SYT2: variants seen among roughly 807,000 people sequenced by gnomAD.
SYT2 encodes synaptotagmin-2.
A neutral mutation model predicts 39.9 loss-of-function variants in SYT2; 15 were observed. The ratio of observed to expected loss-of-function variants is 0.38; its 90% CI spans 0.25 to 0.58. SYT2 has a LOEUF of 0.58. Ranked by LOEUF, SYT2 falls within the 20% of genes least tolerant of loss-of-function variation. The pLI is 0.70. For synonymous variants in SYT2, 181 were observed against 204.5 expected (o/e 0.89, Z 0.98); for missense variants, 389 against 530.3 (o/e 0.73, Z 2.62).
At chr1:202,694,710 T>C (rs1442345313) in intron 1 of SYT2, among the ~76,000 whole-genome samples, 1 of 151,276 alleles carries the variant, frequency 6.6e-6, no homozygotes, top group Non-Finnish European at 1.5e-5. Flanking sequence ...CCCTCCTCCT[T>C]CTCCTCTTCC....
At chr1:202,692,305 C>T (rs970233992) in intron 1 of SYT2, among the ~76,000 whole-genome samples, 11 of 152,170 alleles carry the variant, frequency 7.2e-5, no homozygotes, top group Non-Finnish European at 4.4e-5. Flanking sequence ...ATGCCCACTA[C>T]CTGCCACAAA....
intron 1 of SYT2, among the ~76,000 whole-genome samples, chr1:202,703,681 G>A (rs1654178950): frequency 2.0e-5 from 3 of 152,118 alleles, no homozygotes; most frequent in Non-Finnish European, 1.5e-5. Flanking sequence ...TCTTACAAAT[G>A]CGGTGGGCTG....
chr1:202,656,214 A>G (rs1314729865), intron 1 of SYT2, among the ~76,000 whole-genome samples: 1 of 152,226 alleles, frequency 6.6e-6, no homozygotes, highest in African/African-American at 2.4e-5. Context: ...CAGAACAGTC[A>G]GTCACGGAGC....
intron 1 of SYT2, chr1:202,639,802 C>T (rs1691849420): frequency 2.0e-6 from 2 of 985,452 alleles, no homozygotes; most frequent in African/African-American, 3.5e-5. Context: ...GGCCAGTGCG[C>T]AGCAAGAGGA....
chr1:202,680,542 A>G (rs947509041), intron 1 of SYT2, among the ~76,000 whole-genome samples: 10 of 152,156 alleles, frequency 6.6e-5, no homozygotes, highest in African/African-American at 1.9e-4. Flanking sequence ...CCCTGTCTCA[A>G]AAAAACCCAC....
In SYT2 at chr1:202,599,294, GTCT is replaced by G. The variant is rs759288000; in HGVS notation, c.974_976del (p.Lys325del). On this transcript the variant is annotated inframe_deletion, in exon 8 of 9. Transcript: ENST00000367268. This position sits in a 1 kb window ranked among gnomAD's most constrained non-coding sequence, Gnocchi z 4.4. ...GTTCAGGGTCTTCTTCTTCACGGTT[GTCT>G]TCTTCTTCTTGAGCCTCTTGCCATT... 22 of 1,609,492 alleles carry G rather than the reference GTCT, an allele frequency of 1.4e-5. No individual in the cohort carries two copies. Among genetic ancestry groups the G allele is most frequent in the East Asian group, 2.2e-5 (1 of 44,618 alleles).
intron 1 of SYT2, among the ~76,000 whole-genome samples, chr1:202,627,061 G>A (rs755862456): frequency 5.3e-5 from 8 of 152,290 alleles, no homozygotes; most frequent in Middle Eastern, 3.4e-3. Context: ...TGCAGTGCTC[G>A]CCAAGTCAGG....
chr1:202,683,533 ATT>A (rs897764049), intron 1 of SYT2, among the ~76,000 whole-genome samples: 1 of 152,016 alleles, frequency 6.6e-6, no homozygotes, highest in African/African-American at 2.4e-5. Flanking sequence ...GAACCTAGGA[ATT>A]TGAGACTAGC....
chr1:202,680,016 T>C (rs902288714), intron 1 of SYT2, among the ~76,000 whole-genome samples: 4 of 152,224 alleles, frequency 2.6e-5, no homozygotes, highest in Admixed American at 6.5e-5. Flanking sequence ...GTTCTTAGCA[T>C]GACCAGTGTT....
In SYT2 at chr1:202,601,849, A is replaced by AT; in HGVS notation, c.801+40dup. ...CCAAGAGGTGGAAGCCCACCTGTAC[A>AT]TTCGTCTTTCTGCCCAACCTGGCCT... On this transcript the variant is annotated intron_variant, in intron 6 of 8. Coordinates refer to ENST00000367268, the MANE Select transcript of SYT2 (RefSeq NM_177402.5). This position sits in a 1 kb window ranked among gnomAD's most constrained non-coding sequence, Gnocchi z 4.0. The AT allele has an allele frequency of 6.3e-7, 1 of 1,597,044 alleles. No individual in the cohort carries two copies. Among genetic ancestry groups the AT allele is most frequent in the Non-Finnish European group, 8.5e-7 (1 of 1,170,558 alleles).
rs189225692 is a variant in SYT2, at chr1:202,685,140, T to C, written c.-18+25118A>G. On this transcript the variant is annotated intron_variant, in intron 1 of 8. Transcript: ENST00000367268. ...CAAACCTGTCGATGAAGTGGCCACC[T>C]GAACAAACAGTGCATTTCCTCCTAA... 3.3e-4 allele frequency among the ~76,000 whole-genome samples: 50 copies of C among 152,276 alleles called. 1 individual carries two copies. In the East Asian group the frequency reaches 9.1e-3, roughly 28 times the overall value.
chr1:202,643,738 G>C (rs910893699), intron 1 of SYT2, among the ~76,000 whole-genome samples: 1 of 152,200 alleles, frequency 6.6e-6, no homozygotes, highest in African/African-American at 2.4e-5. Context: ...CTGGGGGAGA[G>C]GGGTTTAAAC....
At position 202,594,681 on chromosome 1, in the gene SYT2, C is replaced by T. The variant is rs1479206386; in HGVS notation, c.*2076G>A. 8.8e-6 allele frequency: 1 copy of T among 114,176 alleles called. No individual in the cohort carries two copies. Among genetic ancestry groups the T allele is most frequent in the Non-Finnish European group, 2.0e-5 (1 of 51,058 alleles). The allele number at this position is 114,176 out of a possible 1,614,324, so 7.1% of individuals were successfully genotyped here. The stretch of plus-strand genomic sequence containing the variant: ...CGCAGTTCATAATCCTGATCAGAGT[C>T]TTACCTTCCCATCATTAAGTACACA... On this transcript the variant is annotated 3_prime_UTR_variant, in exon 9 of 9. Coordinates refer to ENST00000367268, the MANE Select transcript of SYT2 (RefSeq NM_177402.5).
rs770609120 is a variant in SYT2 at position 202,605,695 on chromosome 1, G to A, written c.78C>T (p.Pro26=). The stretch of plus-strand genomic sequence containing the variant: ...CCCCACTCTCAGTGGAGTTGTCCAC[G>A]GGTCCAATGGGCATCGTGGCGGTGG... ...ATTTATMPIG[P]VDNSTESGGA... is the part of the protein sequence containing the mutation. Residue 26 remains proline (P), a synonymous_variant, in exon 2 of 9, where the codon CCC becomes CCT. Coordinates refer to ENST00000367268, the MANE Select transcript of SYT2 (RefSeq NM_177402.5). 2.1e-5 allele frequency: 34 copies of A among 1,613,896 alleles called. No individual in the cohort carries two copies. The highest frequency in any genetic ancestry group is 1.6e-4 in the Middle Eastern group (1 of 6,078).
intron 1 of SYT2, among the ~76,000 whole-genome samples, chr1:202,681,449 C>T (rs540539599): frequency 4.6e-5 from 7 of 152,352 alleles, no homozygotes; most frequent in Middle Eastern, 3.4e-3. Context: ...CCTGCCATGG[C>T]CCCGCTGGCA....
At chr1:202,647,290 G>T (rs1489399283) in intron 1 of SYT2, among the ~76,000 whole-genome samples, 1 of 152,214 alleles carries the variant, frequency 6.6e-6, no homozygotes, top group African/African-American at 2.4e-5. Flanking sequence ...TCAGGCTCCT[G>T]TTGCCCATAT....
intron 1 of SYT2, among the ~76,000 whole-genome samples, chr1:202,660,878 G>A (rs1056345849): frequency 2.0e-5 from 3 of 152,140 alleles, no homozygotes; most frequent in Non-Finnish European, 2.9e-5. Flanking sequence ...GCCTATGCTC[G>A]CAGCACATTG....
rs1222777886 is a variant in SYT2 at position 202,601,849 on chromosome 1, A to C, written c.801+41T>G. 10 of 1,596,926 alleles carry C rather than the reference A, an allele frequency of 6.3e-6. No individual in the cohort carries two copies. Among genetic ancestry groups the C allele is most frequent in the Non-Finnish European group, 8.5e-6 (10 of 1,170,566 alleles). ...CCAAGAGGTGGAAGCCCACCTGTAC[A>C]TTCGTCTTTCTGCCCAACCTGGCCT... On this transcript the variant is annotated intron_variant, in intron 6 of 8. Coordinates refer to ENST00000367268, the MANE Select transcript of SYT2 (RefSeq NM_177402.5). This position sits in a 1 kb window ranked among gnomAD's most constrained non-coding sequence, Gnocchi z 4.0.
intron 1 of SYT2, among the ~76,000 whole-genome samples, chr1:202,688,870 AC>A (rs1653741449): frequency 6.6e-6 from 1 of 152,138 alleles, no homozygotes; most frequent in Admixed American, 6.5e-5. Flanking sequence ...TGGCCTCCTC[AC>A]CCAGCCTCGG....
Sources: allele counts gnomAD v4.1 joint callset (sites outside exome capture counted in the v4.1 genomes callset), GRCh38; gene constraint gnomAD v4.1.1; non-coding constraint Gnocchi (gnomAD v3.1); transcripts MANE v1.5; gene names NCBI Gene and HGNC (gene_info 2026-07-23, HGNC 2026-07-21).